BBX: variants seen among roughly 807,000 people sequenced by gnomAD.
BBX encodes the protein BBX high mobility group box domain containing, also known as HMG box transcription factor BBX.
BBX carries 30 observed loss-of-function variants against 100.2 expected under a neutral mutation model. The ratio of observed to expected loss-of-function variants is 0.30; its 90% confidence interval spans 0.22 to 0.41. The LOEUF is 0.41. Among genes scored for constraint, BBX ranks in the 10% least tolerant of loss-of-function variants. The pLI is 1.00. For missense variants in BBX, 1,023 were observed against 1,129.8 expected (o/e 0.91, Z 1.35); for synonymous variants, 376 against 388.1 (o/e 0.97, Z 0.37).
intron 2 of BBX, among the ~76,000 whole-genome samples, chr3:107,575,823 G>A (rs774154726): frequency 1.1e-4 from 17 of 152,178 alleles, no homozygotes; most frequent in South Asian, 4.1e-4. Flanking sequence ...AAGCATGTGT[G>A]CCAGAAATGA....
intron 2 of BBX, among the ~76,000 whole-genome samples, chr3:107,560,086 T>C (rs184070961): frequency 4.9e-4 from 75 of 152,270 alleles, no homozygotes; most frequent in African/African-American, 1.6e-3. Context: ...TTCAGTTTTT[T>C]CCTCGTCGAC....
In BBX at chr3:107,697,027, G is replaced by A. The variant is rs1237077950; in HGVS notation, c.-9-13425G>A. On this transcript the variant is annotated intron_variant, in intron 3 of 17. Coordinates refer to ENST00000325805, the MANE Select transcript of BBX (RefSeq NM_001142568.3). The stretch of plus-strand genomic sequence containing the variant: ...CTTCTGCATTCTTCACGTAGTTCTC[G>A]AGCCTTGGTTTTCAGCTCCATCAGC... 2.0e-5 allele frequency among the ~76,000 whole-genome samples: 3 copies of A among 151,720 alleles called. 1 individual carries two copies. The highest frequency in any genetic ancestry group is 4.9e-5 in the African/African-American group (2 of 41,124).
At chr3:107,523,648 GA>G in intron 1 of BBX, 1 of 152,426 alleles carries the variant, frequency 6.6e-6, no homozygotes, top group South Asian at 2.1e-4. Flanking sequence ...TCATCTCGGC[GA>G]AAGTACGTGG....
intron 15 of BBX, among the ~76,000 whole-genome samples, chr3:107,795,611 G>GTGTT (rs1298070529): frequency 1.0e-5 from 1 of 95,536 alleles, no homozygotes; most frequent in African/African-American, 4.7e-5. Context: ...CTCCGACGTA[G>GTGTT]TCTTTTTTTT....
intron 7 of BBX, among the ~76,000 whole-genome samples, chr3:107,735,430 A>G (rs1280328650): frequency 1.3e-5 from 2 of 152,118 alleles, no homozygotes; most frequent in South Asian, 2.1e-4. Flanking sequence ...GACATTTTCA[A>G]AAATTCTGCC....
chr3:107,543,282 A>C (rs989733408), intron 2 of BBX, among the ~76,000 whole-genome samples: 2 of 152,242 alleles, frequency 1.3e-5, no homozygotes, highest in African/African-American at 4.8e-5. Flanking sequence ...TGAGTGGCAG[A>C]GGTGGAACTG....
At chr3:107,688,560 T>C (rs1296368912) in intron 3 of BBX, among the ~76,000 whole-genome samples, 1 of 152,210 alleles carries the variant, frequency 6.6e-6, no homozygotes, top group Non-Finnish European at 1.5e-5. Context: ...CAATGGCTTT[T>C]ATAATTGCCA....
chr3:107,557,742 G>T (rs770866654), intron 2 of BBX, among the ~76,000 whole-genome samples: 3 of 152,186 alleles, frequency 2.0e-5, no homozygotes, highest in African/African-American at 7.2e-5. Context: ...CTCTATTTCA[G>T]TAGGGACCAA....
intron 2 of BBX, among the ~76,000 whole-genome samples, chr3:107,572,261 C>T (rs1204077356): frequency 1.3e-5 from 2 of 152,116 alleles, no homozygotes; most frequent in East Asian, 1.9e-4. Flanking sequence ...GTAATCCTTT[C>T]GTTAGTTCTC....
intron 3 of BBX, among the ~76,000 whole-genome samples, chr3:107,660,505 TAA>T (rs34604623): frequency 0.34 from 34,032 of 101,416 alleles, 5,937 homozygotes; most frequent in East Asian, 0.86. Flanking sequence ...CAAAAAGCAT[TAA>T]AAAAAAAAAA....
intron 2 of BBX, chr3:107,599,268 C>T (rs1435571429): frequency 6.6e-6 from 1 of 152,396 alleles, no homozygotes; most frequent in African/African-American, 2.4e-5. Context: ...TCGCTCTCTC[C>T]CCCAGCTGAG....
intron 5 of BBX, among the ~76,000 whole-genome samples, chr3:107,726,307 TC>T (rs2062929880): frequency 6.6e-6 from 1 of 151,880 alleles, no homozygotes. Flanking sequence ...TCTTCCCACC[TC>T]CACCCTCCCT....
chr3:107,784,129 C>A (rs567361421), intron 13 of BBX, among the ~76,000 whole-genome samples: 193 of 152,048 alleles, frequency 1.3e-3, no homozygotes, highest in South Asian at 2.9e-3. Context: ...TGAAAACAAC[C>A]CTACTGCCAT....
rs2058466791 is a variant in BBX, at chr3:107,661,934, G to T, written c.-10+16025G>T. 22 of 977,724 alleles carry T rather than the reference G, an allele frequency of 2.3e-5. 1 individual carries two copies. In the South Asian group the frequency reaches 9.9e-4, roughly 44 times the overall value. 60.6% of individuals were successfully genotyped at this position (977,724 alleles called of 1,614,324 possible). On this transcript the variant is annotated intron_variant, in intron 3 of 17. Coordinates refer to ENST00000325805, the MANE Select transcript of BBX (RefSeq NM_001142568.3). ...TATTGAGAAATACCAGAGGCGAATT[G>T]TTCCACTGTAGTAAGTCATTCAGCA...
In BBX at chr3:107,811,114, T is replaced by C. The variant is rs1330952804; in HGVS notation, c.*5657T>C. On this transcript the variant is annotated 3_prime_UTR_variant, in exon 18 of 18. Transcript: ENST00000325805. The stretch of plus-strand genomic sequence containing the variant: ...ATTTGATATTTCTAAAAATTGCACA[T>C]GTAAGTCATGTGTATAACATGCTAA... 6 of 152,236 alleles carry C rather than the reference T, an allele frequency of 3.9e-5. No homozygotes were observed. Among genetic ancestry groups the C allele is most frequent in the African/African-American group, 9.6e-5 (4 of 41,460 alleles). 9.4% of individuals were successfully genotyped at this position (152,236 alleles called of 1,614,324 possible).
intron 10 of BBX, among the ~76,000 whole-genome samples, chr3:107,762,199 G>T (rs2065951825): frequency 6.6e-6 from 1 of 152,116 alleles, no homozygotes; most frequent in Non-Finnish European, 1.5e-5. Context: ...TAACCTCTTT[G>T]GGGGAAGACT....
chr3:107,757,385 A>G (rs913103712), intron 10 of BBX, among the ~76,000 whole-genome samples: 4 of 152,152 alleles, frequency 2.6e-5, no homozygotes, highest in South Asian at 2.1e-4. Flanking sequence ...TATGAAACAG[A>G]TGCTATGGTT....
At chr3:107,784,752 A>G (rs901849638) in intron 13 of BBX, among the ~76,000 whole-genome samples, 1 of 151,886 alleles carries the variant, frequency 6.6e-6, no homozygotes, top group Non-Finnish European at 1.5e-5. Flanking sequence ...AGACACTCAA[A>G]AAAGAAGAGT....
At chr3:107,730,658 C>G (rs995010861) in intron 6 of BBX, among the ~76,000 whole-genome samples, 1 of 152,124 alleles carries the variant, frequency 6.6e-6, no homozygotes, top group South Asian at 2.1e-4. Context: ...CAAACAAGAT[C>G]TTTACAGATC....
Sources: allele counts gnomAD v4.1 joint callset (sites outside exome capture counted in the v4.1 genomes callset), GRCh38; gene constraint gnomAD v4.1.1; transcripts MANE v1.5; gene names NCBI Gene and HGNC (gene_info 2026-07-23, HGNC 2026-07-21).